The following WASHC2A variants were observed in gnomAD, a reference collection of about 807,000 sequenced individuals.
The protein encoded by WASHC2A is WASH complex subunit FAM21A.
WASHC2A carries 82 observed loss-of-function variants against 140.3 expected under a neutral mutation model. That is an observed-to-expected ratio of 0.58 (90% confidence interval 0.49 to 0.70). WASHC2A has a LOEUF of 0.70. Ranked by LOEUF, WASHC2A falls within the 30% of genes least tolerant of loss-of-function variation. The pLI is 0.00. For synonymous variants in WASHC2A, 340 were observed against 560.8 expected (o/e 0.61, Z 5.56); for missense variants, 985 against 1,521.8 (o/e 0.65, Z 5.87).
rs1843788600 is a variant in WASHC2A at position 50,129,918 on chromosome 10, C to T, written c.3587C>T (p.Thr1196Ile). The stretch of plus-strand genomic sequence containing the variant: ...GCTAAACCAAAACCAGCAAAGAAAA[C>T]AAATCCCTTTCCTCTCCTGGAAGAT... ...QSAKPKPAKK[T>I]NPFPLLEDED... Residue 1196 changes from threonine to isoleucine, a missense_variant, in exon 29 of 31, where the codon ACA becomes ATA. Physicochemically the swap from Thr to Ile is moderately conservative, Grantham distance 89. Transcript: ENST00000282633. 3 of 1,612,006 alleles carry T rather than the reference C, an allele frequency of 1.9e-6. No individual in the cohort carries two copies. Among genetic ancestry groups the T allele is most frequent in the Non-Finnish European group, 2.5e-6 (3 of 1,179,848 alleles).
At chr10:50,079,945 A>G (rs1390126928) in intron 4 of WASHC2A, among the ~76,000 whole-genome samples, 1 of 150,598 alleles carries the variant, frequency 6.6e-6, no homozygotes, top group Non-Finnish European at 1.5e-5. Context: ...GAAAGACTTC[A>G]GTACTTGAGA....
intron 3 of WASHC2A, among the ~76,000 whole-genome samples, chr10:50,073,286 A>G (rs1216672339): frequency 1.3e-5 from 2 of 152,136 alleles, no homozygotes; most frequent in Non-Finnish European, 2.9e-5. Context: ...GTAAAATTAA[A>G]AAAAAAATTC....
chr10:50,082,667 C>G, intron 5 of WASHC2A, among the ~76,000 whole-genome samples: 1 of 148,748 alleles, frequency 6.7e-6, no homozygotes, highest in Non-Finnish European at 1.5e-5. Context: ...TTAGTAGAGA[C>G]GGGGTTTCAC....
chr10:50,127,727 G>A lies in WASHC2A; in HGVS notation c.3019G>A (p.Gly1007Arg), dbSNP rs1351701846. 1.2e-5 allele frequency: 18 copies of A among 1,562,202 alleles called. No homozygotes were observed. The highest frequency in any genetic ancestry group is 6.9e-5 in the East Asian group (3 of 43,234). The change falls in exon 28 of 31, where the codon GGG becomes AGG. Residue 1007 changes from glycine (G) to arginine (R), a missense_variant. Gly to Arg is a moderately radical substitution (Grantham distance 125, BLOSUM62 -2). Coordinates refer to ENST00000282633, the MANE Select transcript of WASHC2A (RefSeq NM_001005751.3). Reference protein sequence around the residue: ...HGLESVPVLPGSGEAGVSFDL... With the variant: ...HGLESVPVLPRSGEAGVSFDL... ...TCTGGAAAGTGTGCCTGTCCTTCCCGGGAGTGGGGAGGCCGGTGTGAGTTT... is the reference window on the plus strand; with the variant it reads ...TCTGGAAAGTGTGCCTGTCCTTCCCAGGAGTGGGGAGGCCGGTGTGAGTTT...
rs1842166312 is a variant in WASHC2A, at chr10:50,110,243, A to G, written c.2012A>G (p.Asp671Gly). Residue 671 changes from aspartate (D) to glycine (G), a missense_variant, in exon 20 of 31, where the codon GAT becomes GGT. By Grantham distance (94) the Asp-to-Gly change is moderately conservative. Transcript: ENST00000282633. ...KTSLFEEDEEDDLFAIAKDSQ... is the reference protein window; with the variant it reads ...KTSLFEEDEEGDLFAIAKDSQ... ...AGTCTCTTTGAGGAAGACGAAGAAGATGATCTTTTTGCCATTGCCAAGGAC... is the reference window on the plus strand; with the variant it reads ...AGTCTCTTTGAGGAAGACGAAGAAGGTGATCTTTTTGCCATTGCCAAGGAC... 1 of 1,611,888 alleles carries G rather than the reference A, an allele frequency of 6.2e-7. No homozygotes were observed. The highest frequency in any genetic ancestry group is 1.1e-5 in the South Asian group (1 of 90,960).
chr10:50,119,897 T>G (rs1300089607), intron 23 of WASHC2A, 128 bp downstream of exon 23: 188,051 of 617,282 alleles, frequency 0.3, 24,278 homozygotes, highest in Admixed American at 0.41. Context: ...AATGATTCTG[T>G]GCAGTCATTT....
intron 5 of WASHC2A, among the ~76,000 whole-genome samples, chr10:50,081,974 T>G (rs1454606388): frequency 6.6e-6 from 1 of 152,066 alleles, no homozygotes; most frequent in Non-Finnish European, 1.5e-5. Flanking sequence ...ACATTTCTCT[T>G]CCAGTTTGAG....
intron 28 of WASHC2A, among the ~76,000 whole-genome samples, chr10:50,128,281 A>T (rs976261385): frequency 1.3e-5 from 2 of 152,026 alleles, no homozygotes; most frequent in African/African-American, 4.8e-5. Context: ...CCCTGAACAC[A>T]CATGGTCTGT....
intron 20 of WASHC2A, among the ~76,000 whole-genome samples, chr10:50,112,664 A>G (rs1554890775): frequency 6.7e-6 from 1 of 150,222 alleles, no homozygotes; most frequent in South Asian, 2.2e-4. Flanking sequence ...ATGTCCATCA[A>G]CTGATGACTG....
chr10:50,069,674 A>G lies in WASHC2A; in HGVS notation c.254A>G (p.Asp85Gly), dbSNP rs782216142. Residue 85 changes from aspartate (D) to glycine (G), a missense_variant, in exon 3 of 31, where the codon GAC becomes GGC. By Grantham distance (94) the Asp-to-Gly change is moderately conservative (BLOSUM62 -1). Coordinates refer to ENST00000282633, the MANE Select transcript of WASHC2A (RefSeq NM_001005751.3). Reference sequence around the variant, plus strand: ...TGTCGCCTGCATAATGTCTTCAATGACTTCCTTATGCTCTCTAATACCCAG... The same window carrying G: ...TGTCGCCTGCATAATGTCTTCAATGGCTTCCTTATGCTCTCTAATACCCAG... ...TDCRLHNVFN[D>G]FLMLSNTQFI... 3 of 1,613,828 alleles carry G rather than the reference A, an allele frequency of 1.9e-6. No individual in the cohort carries two copies. Among genetic ancestry groups the G allele is most frequent in the African/African-American group, 2.7e-5 (2 of 74,920 alleles).
At chr10:50,070,519 A>G (rs1349683550) in intron 3 of WASHC2A, among the ~76,000 whole-genome samples, 1 of 152,120 alleles carries the variant, frequency 6.6e-6, no homozygotes, top group African/African-American at 2.4e-5. Flanking sequence ...GAATCACAAA[A>G]TTATTTAAAA....
intron 3 of WASHC2A, among the ~76,000 whole-genome samples, chr10:50,076,714 A>G (rs568702472): frequency 1.3e-5 from 2 of 152,254 alleles, no homozygotes; most frequent in South Asian, 4.1e-4. Flanking sequence ...ACAATGGCTC[A>G]CACCTGTAAT....
chr10:50,101,982 G>A (rs1841239418), intron 17 of WASHC2A, among the ~76,000 whole-genome samples: 1 of 152,210 alleles, frequency 6.6e-6, no homozygotes, highest in Admixed American at 6.5e-5. Flanking sequence ...AGGCCATGTT[G>A]CCTTCTTTGT....
intron 3 of WASHC2A, among the ~76,000 whole-genome samples, chr10:50,076,958 C>CA (rs1290251507): frequency 3.1e-4 from 46 of 150,276 alleles, no homozygotes; most frequent in African/African-American, 9.2e-4. Context: ...ACTAAAAATA[C>CA]AAAAAAAATT....
At chr10:50,091,862 C>T (rs1430014991) in intron 10 of WASHC2A, among the ~76,000 whole-genome samples, 1 of 152,072 alleles carries the variant, frequency 6.6e-6, no homozygotes, top group Non-Finnish European at 1.5e-5. Flanking sequence ...TAAGAATGTG[C>T]TATATAGCAT....
rs914670151 is a variant in WASHC2A, at chr10:50,129,792, T to C, written c.3461T>C (p.Ile1154Thr). 6.2e-7 allele frequency: 1 copy of C among 1,612,042 alleles called. No individual in the cohort carries two copies. The highest frequency in any genetic ancestry group is 8.5e-7 in the Non-Finnish European group (1 of 1,179,864). The change falls in exon 29 of 31, where the codon ATA becomes ACA. Residue 1154 changes from isoleucine to threonine, a missense_variant. Ile to Thr is a moderately conservative substitution (Grantham distance 89). Coordinates refer to ENST00000282633, the MANE Select transcript of WASHC2A (RefSeq NM_001005751.3). ...GAGAGAACAAAACCCAAGGCAAAGA[T>C]AGCAGAGAATCCTGCCAACCCACCA... is the stretch of plus-strand genomic sequence containing the variant. ...SVERTKPKAK[I>T]AENPANPPVG...
intron 20 of WASHC2A, among the ~76,000 whole-genome samples, chr10:50,111,757 C>T (rs2132890677): frequency 6.6e-6 from 1 of 152,336 alleles, no homozygotes; most frequent in East Asian, 1.9e-4. Context: ...CGGCTGGGCG[C>T]AGTGGCTCAC....
At chr10:50,093,168 C>T in intron 11 of WASHC2A, 100 bp from the exon 12 acceptor site, 2 of 609,330 alleles carry the variant, frequency 3.3e-6, no homozygotes, top group South Asian at 3.4e-5. Context: ...GTCAGATAAA[C>T]TCCATGCCAG....
chr10:50,119,646 A>T lies in WASHC2A; in HGVS notation c.2355A>T (p.Ser785=). 1 of 1,568,380 alleles carries T rather than the reference A, an allele frequency of 6.4e-7. No individual in the cohort carries two copies. The highest frequency in any genetic ancestry group is 1.1e-5 in the South Asian group (1 of 89,164). The change falls in exon 23 of 31, where the codon TCA becomes TCT. Residue 785 remains serine, a synonymous_variant. Transcript: ENST00000282633. The part of the protein sequence containing the change: ...ETVKHSDLFS[S]SSPWDKGTKP... ...TCAAGCATTCTGATTTATTTTCTTC[A>T]TCATCCCCATGGGACAAAGGAACCA...
Sources: allele counts gnomAD v4.1 joint callset (sites outside exome capture counted in the v4.1 genomes callset), GRCh38; gene constraint gnomAD v4.1.1; transcripts MANE v1.5; gene names NCBI Gene and HGNC (gene_info 2026-07-23, HGNC 2026-07-21).